The following SNX19 variants were observed in gnomAD, a reference collection of about 807,000 sequenced individuals.
The protein encoded by SNX19 is sorting nexin-19.
SNX19 carries 60 observed loss-of-function variants against 85.2 expected under a neutral mutation model. The observed-to-expected ratio is 0.70, with a 90% CI of 0.57 to 0.87. The LOEUF is 0.87. Ranked by LOEUF, SNX19 falls within the 40% of genes least tolerant of loss-of-function variation. The probability of loss-of-function intolerance (pLI) is 0.00; values close to 1 mark genes in which losing one functional copy is unlikely to be tolerated. For missense variants in SNX19, 1,201 were observed against 1,217.8 expected (o/e 0.99, Z 0.21); for synonymous variants, 520 against 470.0 (o/e 1.11, Z -1.38).
chr11:130,874,026 G>GTT lies in SNX19; in HGVS notation c.*4394_*4395dup, dbSNP rs755484465. ...GCCAATGAGTCATAAGAGGTTTTTT[G>GTT]TTTTTTTTTTTTTTATTTGGGGTCT... On this transcript the variant is annotated 3_prime_UTR_variant, in exon 11 of 11. Coordinates refer to ENST00000265909, the MANE Select transcript of SNX19 (RefSeq NM_014758.3). 2.7e-5 allele frequency among the ~76,000 whole-genome samples: 3 copies of GTT among 113,202 alleles called. No homozygotes were observed. Among genetic ancestry groups the GTT allele is most frequent in the Non-Finnish European group, 3.9e-5 (2 of 50,696 alleles). 74.3% of individuals were successfully genotyped at this position (113,202 alleles called of 152,430 possible). A position where few individuals can be genotyped will look rare whatever the true frequency, so the allele number is the denominator to read the frequency against.
chr11:130,912,681 T>C (rs1048010211), intron 1 of SNX19, among the ~76,000 whole-genome samples: 4 of 152,168 alleles, frequency 2.6e-5, no homozygotes, highest in Non-Finnish European at 5.9e-5. Flanking sequence ...GACAGGGTAT[T>C]CATTATGAGC....
At chr11:130,904,885 G>A (rs1451890490) in intron 7 of SNX19, among the ~76,000 whole-genome samples, 1 of 152,056 alleles carries the variant, frequency 6.6e-6, no homozygotes, top group Non-Finnish European at 1.5e-5. Context: ...GTTCTCTGAT[G>A]CTTTCACTGT....
Position 130,878,168 on chromosome 11 carries a change from A to C in SNX19, c.*254T>G, listed in dbSNP as rs1943374379. The stretch of plus-strand genomic sequence containing the variant: ...TCTACCTCACAGCTTCTTTTCCCAA[A>C]GGAAACAGGATCTACTCACCAGCAA... On this transcript the variant is annotated 3_prime_UTR_variant, in exon 11 of 11. Transcript: ENST00000265909. The C allele has an allele frequency of 6.1e-6, 2 of 327,742 alleles. No homozygotes were observed. The highest frequency in any genetic ancestry group is 1.1e-5 in the Non-Finnish European group (2 of 177,070). 20.3% of individuals were successfully genotyped at this position (327,742 alleles called of 1,614,324 possible).
intron 8 of SNX19, chr11:130,893,856 G>T (rs1207048738): frequency 2.9e-6 from 2 of 701,154 alleles, no homozygotes; most frequent in African/African-American, 1.8e-5. Context: ...TAGAGCTAAA[G>T]TATATTTCCC....
At position 130,915,765 on chromosome 11, in the gene SNX19, C is replaced by A. The variant is rs377677403; in HGVS notation, c.175G>T (p.Val59Leu). The change falls in exon 1 of 11, where the codon GTG becomes TTG. Residue 59 changes from valine to leucine, a missense_variant. This residue lies in a region of SNX19 where 791 missense variants were observed against 750.9 expected (regional missense o/e 1.05). Coordinates refer to ENST00000265909, the MANE Select transcript of SNX19 (RefSeq NM_014758.3). ...GAGCCCAGCCATCCTCCCAGCACCA[C>A]TAGCAATGCCGACAGAAGGCACAGC... ...WLLCLLSALL[V>L]VLGGWLGSSL... is the part of the protein sequence containing the mutation. The A allele has an allele frequency of 5.6e-6, 9 of 1,614,106 alleles. No homozygotes were observed. In the African/African-American group the frequency reaches 1.2e-4, roughly 22 times the overall value.
At position 130,873,801 on chromosome 11, in the gene SNX19, T is replaced by A. The variant is rs945337484; in HGVS notation, c.*4621A>T. Among the ~76,000 whole-genome samples, 28 of 152,184 alleles carry A rather than the reference T, an allele frequency of 1.8e-4. No homozygotes were observed. Among genetic ancestry groups the A allele is most frequent in the African/African-American group, 6.3e-4 (26 of 41,456 alleles). On this transcript the variant is annotated 3_prime_UTR_variant, in exon 11 of 11. Coordinates refer to ENST00000265909, the MANE Select transcript of SNX19 (RefSeq NM_014758.3). ...GGGAGTAGATAGGGGATCTGCTGAA[T>A]GTTGGCAGAATGACCCATCCCTAGA...
At chr11:130,896,802 C>A (rs1187652642) in intron 8 of SNX19, among the ~76,000 whole-genome samples, 1 of 152,094 alleles carries the variant, frequency 6.6e-6, no homozygotes, top group Non-Finnish European at 1.5e-5. Flanking sequence ...AGTTCCTTTC[C>A]CATTGCAATT....
Position 130,915,984 on chromosome 11 carries a change from T to C in SNX19, c.-45A>G. ...CTTCCCCAGATGACAGCCCTCAAGATTTTACTTCAGAGTTAGGGAAGGGGG... is the reference window on the plus strand; with the variant it reads ...CTTCCCCAGATGACAGCCCTCAAGACTTTACTTCAGAGTTAGGGAAGGGGG... On this transcript the variant is annotated 5_prime_UTR_variant, in exon 1 of 11. Transcript: ENST00000265909. The C allele has an allele frequency of 1.1e-5, 17 of 1,543,398 alleles. No individual in the cohort carries two copies. The highest frequency in any genetic ancestry group is 1.5e-5 in the Non-Finnish European group (17 of 1,132,746).
intron 1 of SNX19, among the ~76,000 whole-genome samples, chr11:130,913,701 G>T (rs1389769330): frequency 3.3e-5 from 5 of 152,134 alleles, no homozygotes; most frequent in Non-Finnish European, 7.4e-5. Flanking sequence ...TTTGTACTTT[G>T]TTTTAGGAAG....
chr11:130,888,964 C>T (rs1199587217), intron 8 of SNX19, among the ~76,000 whole-genome samples: 1 of 152,142 alleles, frequency 6.6e-6, no homozygotes, highest in Non-Finnish European at 1.5e-5. Flanking sequence ...AACAGCCTAG[C>T]AAATAATAGA....
chr11:130,892,245 C>T (rs4600217), intron 8 of SNX19, among the ~76,000 whole-genome samples: 89,898 of 150,120 alleles, frequency 0.6, 27,335 homozygotes, highest in South Asian at 0.73. Flanking sequence ...TACTATAATC[C>T]AGTTCTGAGA....
intron 8 of SNX19, among the ~76,000 whole-genome samples, chr11:130,889,692 T>G (rs897491548): frequency 6.6e-6 from 1 of 152,194 alleles, no homozygotes; most frequent in Admixed American, 6.5e-5. Flanking sequence ...CAGTTTTAAC[T>G]TTATCTGAAT....
At chr11:130,881,790 C>T (rs1943696081) in intron 8 of SNX19, among the ~76,000 whole-genome samples, 1 of 152,204 alleles carries the variant, frequency 6.6e-6, no homozygotes. Flanking sequence ...TGCTCTCCTT[C>T]TCCATAGACC....
chr11:130,905,651 C>A, intron 7 of SNX19: 1 of 1,486,898 alleles, frequency 6.7e-7, no homozygotes, highest in Non-Finnish European at 8.9e-7. Flanking sequence ...ATGCAAGAGT[C>A]TGATATGCCA....
intron 8 of SNX19, chr11:130,881,067 CAAGGA>C (rs950281115): frequency 1.6e-5 from 5 of 306,762 alleles, no homozygotes; most frequent in African/African-American, 1.1e-4. Flanking sequence ...TGTCTATGAA[CAAGGA>C]AAAGGGCCCT....
Position 130,873,020 on chromosome 11 carries a change from T to C in SNX19, c.*5402A>G, listed in dbSNP as rs1943088596. On this transcript the variant is annotated 3_prime_UTR_variant, in exon 11 of 11. Coordinates refer to ENST00000265909, the MANE Select transcript of SNX19 (RefSeq NM_014758.3). ...CCCCTCAAACAGCAGAGGAGTGTGA[T>C]AATCATGCTGTCAACATTTTTAGAG... Among the ~76,000 whole-genome samples, 1 of 152,188 alleles carries C rather than the reference T, an allele frequency of 6.6e-6. No individual in the cohort carries two copies. Among genetic ancestry groups the C allele is most frequent in the Non-Finnish European group, 1.5e-5 (1 of 68,042 alleles).
At chr11:130,897,078 C>G (rs1565528454) in intron 8 of SNX19, among the ~76,000 whole-genome samples, 1 of 152,064 alleles carries the variant, frequency 6.6e-6, no homozygotes, top group Non-Finnish European at 1.5e-5. Context: ...CAGACTCTGC[C>G]GCAGCTCTCC....
Position 130,906,806 on chromosome 11 carries a change from A to C in SNX19, c.2166-85T>G, listed in dbSNP as rs6590537. On this transcript the variant is annotated intron_variant, in intron 5 of 10. Coordinates refer to ENST00000265909, the MANE Select transcript of SNX19 (RefSeq NM_014758.3). ...AGGGCTGGCAAGTACTGATAATAAA[A>C]CACAACAAGAATATCCATACTTATT... 1,820 of 978,366 alleles carry C rather than the reference A, an allele frequency of 1.9e-3. 20 individuals are homozygous for C. The African/African-American group carries it at 0.026, about 14-fold the overall frequency. The allele number at this position is 978,366 out of a possible 1,614,324, so 60.6% of individuals were successfully genotyped here. A position where few individuals can be genotyped will look rare whatever the true frequency, so the allele number is the denominator to read the frequency against.
At chr11:130,906,259 G>T in intron 6 of SNX19, 126 bp from the exon 7 acceptor site, 1 of 912,042 alleles carries the variant, frequency 1.1e-6, no homozygotes, top group Non-Finnish European at 1.6e-6. Context: ...CTGATGCTAT[G>T]ACTCCTTTAG....
Sources: allele counts gnomAD v4.1 joint callset (sites outside exome capture counted in the v4.1 genomes callset), GRCh38; gene constraint gnomAD v4.1.1; regional missense constraint gnomAD v4.1.1; transcripts MANE v1.5; gene names NCBI Gene and HGNC (gene_info 2026-07-23, HGNC 2026-07-21).